BCOR: variants seen among roughly 807,000 people sequenced by gnomAD.
The protein encoded by BCOR is BCL6 corepressor.
A neutral mutation model predicts 86.7 loss-of-function variants in BCOR; 10 were observed. The ratio of observed to expected loss-of-function variants is 0.12; its 90% CI spans 0.07 to 0.20. BCOR has a LOEUF of 0.20. Ranked by LOEUF, BCOR falls within the 10% of genes least tolerant of loss-of-function variation. BCOR has a pLI of 1.00. For missense variants in BCOR, 1,259 were observed against 1,452.1 expected (o/e 0.87, Z 2.16); for synonymous variants, 611 against 609.0 (o/e 1.00, Z -0.05).
At chrX:40,175,508 C>T (rs989931263) in intron 1 of BCOR, among the ~76,000 whole-genome samples, 5 of 113,489 alleles carry the variant, frequency 4.4e-5, no homozygotes, top group African/African-American at 1.3e-4. Flanking sequence ...GAAGGCCCAC[C>T]CCGATTCTGT....
intron 1 of BCOR, among the ~76,000 whole-genome samples, chrX:40,136,086 CAG>C (rs1937675851): frequency 8.9e-6 from 1 of 111,918 alleles, no homozygotes; most frequent in Admixed American, 9.5e-5. Context: ...GCAGAAGTAA[CAG>C]TGTGCAAATT....
chrX:40,109,349 G>C (rs1426969941), intron 1 of BCOR, among the ~76,000 whole-genome samples: 1 of 111,050 alleles, frequency 9.0e-6, no homozygotes, highest in African/African-American at 3.3e-5. Flanking sequence ...GTCAGGTCAA[G>C]GGCAGGACAG....
intron 1 of BCOR, among the ~76,000 whole-genome samples, chrX:40,105,013 C>T (rs1937145861): frequency 9.0e-6 from 1 of 111,009 alleles, no homozygotes; most frequent in South Asian, 3.7e-4. Context: ...CGTTCCTGGG[C>T]CCGCGGGTAA....
chrX:40,073,726 C>T lies in BCOR; in HGVS notation c.1620G>A (p.Arg540=), dbSNP rs144347073. Residue 540 remains arginine (R), a synonymous_variant, in exon 4 of 15, where the codon CGG becomes CGA. Coordinates refer to ENST00000378444, the MANE Select transcript of BCOR (RefSeq NM_001123385.2). ...CGCCCATGCGCGGGCATGATGAACT[C>T]CGCTGCTGTGGTATCGCCCAGTCCA... is the stretch of plus-strand genomic sequence containing the variant. ...KALDWAIPQQ[R]SSSCPRMGGT... 2.3e-4 allele frequency: 277 copies of T among 1,211,826 alleles called. No individual in the cohort carries two copies. Among genetic ancestry groups the T allele is most frequent in the Non-Finnish European group, 2.9e-4 (261 of 895,616 alleles).
At chrX:40,060,559 G>C (rs1448497596) in intron 10 of BCOR, among the ~76,000 whole-genome samples, 1 of 112,207 alleles carries the variant, frequency 8.9e-6, no homozygotes, top group African/African-American at 3.2e-5. Context: ...GCTATGGCCG[G>C]CAAGTTTGCT....
chrX:40,139,415 A>ATTTTTTTTTTTTTTTTTTT lies in BCOR; in HGVS notation c.-41+37591_-41+37592insAAAAAAAAAAAAAAAAAAA, dbSNP rs1555935902. 3.3e-4 allele frequency among the ~76,000 whole-genome samples: 2 copies of ATTTTTTTTTTTTTTTTTTT among 6,096 alleles called. 1 individual carries two copies. Among genetic ancestry groups the ATTTTTTTTTTTTTTTTTTT allele is most frequent in the African/African-American group, 2.9e-3 (2 of 683 alleles). 5.3% of individuals were successfully genotyped at this position (6,096 alleles called of 115,157 possible). A position where few individuals can be genotyped will look rare whatever the true frequency, so the allele number is the denominator to read the frequency against. On this transcript the variant is annotated intron_variant, in intron 1 of 14. Coordinates refer to the BCOR transcript ENST00000342274. ...TATACATATATATATATATATATATAATATATATACATATATATATATATA... is the reference window on the plus strand; with the variant it reads ...TATACATATATATATATATATATATATTTTTTTTTTTTTTTTTTTATATATATACATATATATATATATA...
intron 10 of BCOR, among the ~76,000 whole-genome samples, chrX:40,059,400 A>G (rs1444340376): frequency 8.9e-6 from 1 of 112,460 alleles, no homozygotes; most frequent in Non-Finnish European, 1.9e-5. Flanking sequence ...TCTTTTGGCA[A>G]CGGGTCTGCT....
At position 40,064,378 on chromosome X, in the gene BCOR, C is replaced by T. The variant is rs763102500; in HGVS notation, c.3460G>A (p.Glu1154Lys). 1 of 1,212,438 alleles carries T rather than the reference C, an allele frequency of 8.2e-7. No individual in the cohort carries two copies. Among genetic ancestry groups the T allele is most frequent in the Non-Finnish European group, 1.1e-6 (1 of 895,629 alleles). Residue 1154 changes from glutamate (E) to lysine (K), a missense_variant, in exon 7 of 15, where the codon GAG (glutamate) becomes AAG (lysine). Around this residue, in one of 7 missense-constraint regions of BCOR, gnomAD observed 305 missense variants for 286.1 expected, o/e 1.07. Coordinates refer to ENST00000378444, the MANE Select transcript of BCOR (RefSeq NM_001123385.2). ...HTETTAEEVPEDPLLKAKRRR... is the reference protein window; with the variant it reads ...HTETTAEEVPKDPLLKAKRRR... ...CGTTTGGCTTTCAGCAGAGGGTCCTCTGGCACCTCCTCCGCAGTGGTCTCA... is the reference window on the plus strand; with the variant it reads ...CGTTTGGCTTTCAGCAGAGGGTCCTTTGGCACCTCCTCCGCAGTGGTCTCA...
At chrX:40,138,845 G>C (rs2147936802) in intron 1 of BCOR, among the ~76,000 whole-genome samples, 1 of 111,122 alleles carries the variant, frequency 9.0e-6, no homozygotes, top group East Asian at 2.8e-4. Flanking sequence ...GTGAGACACC[G>C]TGTCTGGCCC....
chrX:40,131,988 G>A (rs1937607670), intron 1 of BCOR, among the ~76,000 whole-genome samples: 1 of 111,990 alleles, frequency 8.9e-6, no homozygotes, highest in Admixed American at 9.5e-5. Flanking sequence ...CAACAGAAGT[G>A]ACACTCTGAG....
chrX:40,165,389 A>G (rs1938492543), intron 1 of BCOR, among the ~76,000 whole-genome samples: 2 of 112,323 alleles, frequency 1.8e-5, no homozygotes, highest in Admixed American at 1.9e-4. Flanking sequence ...TGACCACAGA[A>G]AGCCAGCACC....
chrX:40,175,971 CGGGA>C (rs973048729), intron 1 of BCOR, among the ~76,000 whole-genome samples: 4 of 112,785 alleles, frequency 3.5e-5, no homozygotes, highest in Non-Finnish European at 5.6e-5. Flanking sequence ...TCGTGGACTA[CGGGA>C]GGGAGAGTAC....
Position 40,063,082 on chromosome X carries a change from A to AG in BCOR, c.3848-12dup. 1.7e-6 allele frequency: 1 copy of AG among 590,771 alleles called. No homozygotes were observed. The highest frequency in any genetic ancestry group is 1.3e-4 in the East Asian group (1 of 7,437). The allele number at this position is 590,771 out of a possible 1,213,427, so 48.7% of individuals were successfully genotyped here. On this transcript the variant is annotated splice_polypyrimidine_tract_variant and intron_variant, in intron 8 of 14. Transcript: ENST00000378444. ...AGAACACAGGCAAGCCTAAATACGGAGGGGGTGACGGGGTGGCGGGCGGAT... is the reference window on the plus strand; with the variant it reads ...AGAACACAGGCAAGCCTAAATACGGAGGGGGGTGACGGGGTGGCGGGCGGAT...
intron 1 of BCOR, among the ~76,000 whole-genome samples, chrX:40,085,177 A>G (rs1936301108): frequency 8.8e-6 from 1 of 113,247 alleles, no homozygotes; most frequent in South Asian, 3.6e-4. Context: ...CCTGCCTCGG[A>G]GCACGATAAC....
intron 1 of BCOR, among the ~76,000 whole-genome samples, chrX:40,171,961 C>G (rs942466875): frequency 1.8e-5 from 2 of 112,859 alleles, no homozygotes; most frequent in Admixed American, 9.2e-5. Flanking sequence ...CTCTCAACGC[C>G]GGCAAGTGCA....
chrX:40,063,992 C>CG (rs770021233), intron 7 of BCOR, 40 bp from the exon 8 acceptor site: 66 of 491,491 alleles, frequency 1.3e-4, no homozygotes, highest in Non-Finnish European at 1.7e-4. Flanking sequence ...AAAAGCCCCC[C>CG]GGGGGGGAAC....
At chrX:40,160,830 ATTTTTTTT>A (rs776054747) in intron 1 of BCOR, among the ~76,000 whole-genome samples, 10 of 92,359 alleles carry the variant, frequency 1.1e-4, no homozygotes, top group Non-Finnish European at 2.2e-4. Context: ...CGCCCGGCTA[ATTTTTTTT>A]TTTTTTTTTG....
intron 1 of BCOR, among the ~76,000 whole-genome samples, chrX:40,166,991 AG>A (rs1455936480): frequency 9.0e-6 from 1 of 111,493 alleles, no homozygotes; most frequent in African/African-American, 3.3e-5. Flanking sequence ...GGCTCCTTTG[AG>A]AAAATCAAGT....
At chrX:40,124,756 C>T (rs1197762876) in intron 1 of BCOR, among the ~76,000 whole-genome samples, 1 of 109,825 alleles carries the variant, frequency 9.1e-6, no homozygotes, top group Non-Finnish European at 1.9e-5. Flanking sequence ...GCACACACCA[C>T]CACCACCTGG....
Sources: gnomAD v4.1 joint callset for allele counts (sites outside exome capture counted in the v4.1 genomes callset) on GRCh38, gnomAD v4.1.1 for gene constraint, gnomAD v4.1.1 regional missense constraint, MANE v1.5 for transcripts, NCBI Gene and HGNC (gene_info 2026-07-23, HGNC 2026-07-21) for gene names.